POMT1: variants seen among roughly 807,000 people sequenced by gnomAD.
POMT1 encodes the protein protein O-mannosyl-transferase 1.
Under a neutral mutation model 101.6 loss-of-function variants are expected in POMT1, and 85 were observed. The observed-to-expected ratio is 0.84, with a 90% CI of 0.70 to 1.00. The LOEUF (loss-of-function observed/expected upper bound fraction) is 1.00. POMT1 is among the 50% of genes least tolerant of loss of function. The probability of loss-of-function intolerance (pLI) is 0.00; values close to 1 mark genes in which losing one functional copy is unlikely to be tolerated. For missense variants in POMT1, 857 were observed against 930.4 expected, an observed-to-expected ratio of 0.92 and a Z score of 1.03; for synonymous variants, 371 against 383.0, an observed-to-expected ratio of 0.97 and a Z score of 0.37.
chr9:131,515,310 T>G, intron 12 of POMT1, 116 bp from the exon 13 acceptor site: 1 of 1,065,272 alleles, frequency 9.4e-7, no homozygotes, highest in Non-Finnish European at 1.5e-6. Flanking sequence ...GGGCCACCCC[T>G]TATGGCTGAG....
intron 13 of POMT1, 33 bp downstream of exon 13, chr9:131,515,555 C>T (rs766609375): frequency 7.5e-6 from 12 of 1,592,286 alleles, no homozygotes; most frequent in South Asian, 3.3e-5. Flanking sequence ...CAGCCACAAC[C>T]GTCAGTAATG....
Position 131,519,959 on chromosome 9 carries a change from G to A in POMT1, c.1585-121G>A, listed in dbSNP as rs1302849393. On this transcript the variant is annotated intron_variant, in intron 16 of 19. Transcript: ENST00000402686. The surrounding 1 kb of genome is among the most constrained non-coding windows in gnomAD (Gnocchi z 4.3). ...TCATGCTGCCTCCGATGCATGATCCGAATGAACTTGAGCTGGGCCAGTCCA... is the reference window on the plus strand; with the variant it reads ...TCATGCTGCCTCCGATGCATGATCCAAATGAACTTGAGCTGGGCCAGTCCA... The A allele has an allele frequency of 5.2e-6, 4 of 765,052 alleles. No individual in the cohort carries two copies. The highest frequency in any genetic ancestry group is 3.0e-4 in the Middle Eastern group (1 of 3,304). 47.4% of individuals were successfully genotyped at this position (765,052 alleles called of 1,614,324 possible).
chr9:131,518,615 G>A (rs879599064), intron 14 of POMT1, 78 bp downstream of exon 14: 354 of 1,457,960 alleles, frequency 2.4e-4, no homozygotes, highest in Middle Eastern at 1.6e-3. Context: ...AGGCTTCACC[G>A]CCTCTCTGCA....
intron 17 of POMT1, 59 bp from the exon 18 acceptor site, chr9:131,521,286 CT>C (rs1949862862): frequency 6.2e-7 from 1 of 1,611,748 alleles, no homozygotes; most frequent in African/African-American, 1.3e-5. Flanking sequence ...CCTGTGTTCT[CT>C]TCTCTTCCCT....
In POMT1 at chr9:131,507,510, T is replaced by C. The variant is rs771680776; in HGVS notation, c.423T>C (p.Leu141=). 9 of 1,614,124 alleles carry C rather than the reference T, an allele frequency of 5.6e-6. No individual in the cohort carries two copies. In the South Asian group the frequency reaches 7.7e-5, roughly 14 times the overall value. The change falls in exon 5 of 20, where the codon CTT becomes CTC. Residue 141 remains leucine, a synonymous_variant. Coordinates refer to ENST00000402686, the MANE Select transcript of POMT1 (RefSeq NM_001077365.2). ...CCATGGGAGCTGCTCTGTTGATGCT[T>C]ATCGGTAAGACCTGCGCCCCTGCCT... ...CAAMGAALLM[L]IENALITQSR... is the part of the protein sequence containing the mutation.
rs1946840541 is a variant in POMT1 at position 131,510,331 on chromosome 9, G to C, written c.771G>C (p.Leu257=). ...TCATCCCGGTCGTCCTGTACTTACT[G>C]TTCTTCTACGTCCACTTGATTCTAG... The part of the protein sequence containing the change: ...LLVIPVVLYL[L]FFYVHLILVF... The change falls in exon 9 of 20, where the codon CTG becomes CTC. Residue 257 remains leucine, a synonymous_variant. Coordinates refer to ENST00000402686, the MANE Select transcript of POMT1 (RefSeq NM_001077365.2). The C allele has an allele frequency of 6.2e-7, 1 of 1,614,198 alleles. No individual in the cohort carries two copies. The highest frequency in any genetic ancestry group is 8.5e-7 in the Non-Finnish European group (1 of 1,180,020).
chr9:131,512,856 C>T (rs1947424026), intron 11 of POMT1, among the ~76,000 whole-genome samples: 1 of 152,202 alleles, frequency 6.6e-6, no homozygotes, highest in Admixed American at 6.5e-5. Flanking sequence ...AAGTGGTCCA[C>T]CCAGCTCAGC....
At chr9:131,511,104 C>T (rs1261145418) in intron 9 of POMT1, 8 of 511,468 alleles carry the variant, frequency 1.6e-5, no homozygotes, top group South Asian at 2.5e-5. Context: ...ATAGGGTGCG[C>T]GTGGAAGGCT....
At chr9:131,512,580 C>T (rs1417078918) in intron 11 of POMT1, among the ~76,000 whole-genome samples, 4 of 152,176 alleles carry the variant, frequency 2.6e-5, no homozygotes, top group Non-Finnish European at 5.9e-5. Context: ...CCAGCTCCAG[C>T]ACCTGCAGCC....
At position 131,522,113 on chromosome 9, in the gene POMT1, C is replaced by A; in HGVS notation, c.1892C>A (p.Pro631Gln). 6.2e-7 allele frequency: 1 copy of A among 1,614,134 alleles called. No individual in the cohort carries two copies. Among genetic ancestry groups the A allele is most frequent in the Non-Finnish European group, 8.5e-7 (1 of 1,180,036 alleles). ...CAGGWAVNYL[P>Q]FFLMEKTLFL... is the part of the protein sequence containing the mutation. ...GGTGGCTGGGCAGTGAACTACCTCCCGTTCTTCCTGATGGAGAAGACACTC... is the reference window on the plus strand; with the variant it reads ...GGTGGCTGGGCAGTGAACTACCTCCAGTTCTTCCTGATGGAGAAGACACTC... The change falls in exon 19 of 20, where the codon CCG becomes CAG. Residue 631 changes from proline (P) to glutamine (Q), a missense_variant. Pro to Gln is a moderately conservative substitution (Grantham distance 76, BLOSUM62 -1). Transcript: ENST00000402686. This position sits in a 1 kb window ranked among gnomAD's most constrained non-coding sequence, Gnocchi z 5.5.
Position 131,522,753 on chromosome 9 carries a change from CCT to C in POMT1, c.2004-175_2004-174del, listed in dbSNP as rs1950206194. Among the ~76,000 whole-genome samples the C allele has an allele frequency of 6.6e-6, 1 of 152,090 alleles. No individual in the cohort carries two copies. Among genetic ancestry groups the C allele is most frequent in the Non-Finnish European group, 1.5e-5 (1 of 68,014 alleles). On this transcript the variant is annotated intron_variant, in intron 19 of 19. Transcript: ENST00000402686. This position sits in a 1 kb window ranked among gnomAD's most constrained non-coding sequence, Gnocchi z 5.5. Reference sequence around the variant, plus strand: ...AGGCCTGAGGAGTCATCAGGGGGCCCCTCTCAGTGCATCCAGGTGGGAGATGG... The same window carrying C: ...AGGCCTGAGGAGTCATCAGGGGGCCCCTCAGTGCATCCAGGTGGGAGATGG...
At chr9:131,509,646 A>G in intron 6 of POMT1, 97 bp from the exon 7 acceptor site, 1 of 1,610,328 alleles carries the variant, frequency 6.2e-7, no homozygotes. Context: ...TGGCCAGCCG[A>G]CCCAGAAAGA....
At chr9:131,511,220 C>A in intron 9 of POMT1, 117 bp from the exon 10 acceptor site, 2 of 1,137,322 alleles carry the variant, frequency 1.8e-6, no homozygotes, top group East Asian at 2.4e-5. Flanking sequence ...ACCACTGTTA[C>A]AAGAATGGCC....
intron 4 of POMT1, 79 bp downstream of exon 4, chr9:131,506,532 CTG>C (rs1179288706): frequency 1.4e-6 from 2 of 1,400,062 alleles, no homozygotes; most frequent in Non-Finnish European, 2.0e-6. Context: ...GGATTAACAA[CTG>C]TGGCTTTTTT....
At chr9:131,518,766 C>A (rs1372313749) in intron 14 of POMT1, 71 bp from the exon 15 acceptor site, 1 of 1,612,336 alleles carries the variant, frequency 6.2e-7, no homozygotes, top group Non-Finnish European at 8.5e-7. Flanking sequence ...AGGGGTTCCC[C>A]TTCCAACCCA....
At chr9:131,507,576 G>A (rs1197633429) in intron 5 of POMT1, 62 bp downstream of exon 5, 37 of 1,606,520 alleles carry the variant, frequency 2.3e-5, no homozygotes, top group Middle Eastern at 1.9e-4. Flanking sequence ...CCTTTGGCCC[G>A]GAAGATCACA....
Position 131,522,088 on chromosome 9 carries a change from G to A in POMT1, c.1867G>A (p.Gly623Ser), listed in dbSNP as rs756303645. Residue 623 changes from glycine (G) to serine (S), a missense_variant, in exon 19 of 20, where the codon GGT becomes AGT. Transcript: ENST00000402686. This position sits in a 1 kb window ranked among gnomAD's most constrained non-coding sequence, Gnocchi z 5.5. ...RWVLAGALCA[G>S]GWAVNYLPFF... is the part of the protein sequence containing the mutation. ...GGTGCTGGCTGGGGCGCTGTGTGCC[G>A]GTGGCTGGGCAGTGAACTACCTCCC... 22 of 1,614,096 alleles carry A rather than the reference G, an allele frequency of 1.4e-5. No individual in the cohort carries two copies. The highest frequency in any genetic ancestry group is 6.7e-5 in the Admixed American group (4 of 60,032).
Position 131,522,805 on chromosome 9 carries a change from C to T in POMT1, c.2004-127C>T, listed in dbSNP as rs144865308. The T allele has an allele frequency of 6.9e-5, 73 of 1,060,598 alleles. No homozygotes were observed. In the Admixed American group the frequency reaches 1.1e-3, roughly 16 times the overall value. The allele number at this position is 1,060,598 out of a possible 1,614,324, so 65.7% of individuals were successfully genotyped here. Reference sequence around the variant, plus strand: ...GTCATGGGTGGCAGGAGACAAGACACAGAAACCTGAAGGCAGAACCCCAGG... The same window carrying T: ...GTCATGGGTGGCAGGAGACAAGACATAGAAACCTGAAGGCAGAACCCCAGG... On this transcript the variant is annotated intron_variant, in intron 19 of 19. Transcript: ENST00000402686. The surrounding 1 kb of genome is among the most constrained non-coding windows in gnomAD (Gnocchi z 5.5).
chr9:131,504,791 GTT>G (rs1304476835), intron 2 of POMT1, among the ~76,000 whole-genome samples: 9 of 150,936 alleles, frequency 6.0e-5, no homozygotes, highest in African/African-American at 2.2e-4. Flanking sequence ...GTGTGTGTGT[GTT>G]TTTGAGACGG....
Sources: gnomAD v4.1 joint callset for allele counts (sites outside exome capture counted in the v4.1 genomes callset) on GRCh38, gnomAD v4.1.1 for gene constraint, Gnocchi (gnomAD v3.1) non-coding constraint, MANE v1.5 for transcripts, NCBI Gene and HGNC (gene_info 2026-07-23, HGNC 2026-07-21) for gene names.